PPM1L: variants seen among roughly 807,000 people sequenced by gnomAD.
PPM1L encodes the protein protein phosphatase, Mg2+/Mn2+ dependent 1L.
A neutral mutation model predicts 31.4 loss-of-function variants in PPM1L; 13 were observed. The observed-to-expected ratio is 0.41, with a 90% CI of 0.27 to 0.66. The LOEUF is 0.66. Among genes scored for constraint, PPM1L ranks in the 30% least tolerant of loss-of-function variants. The pLI is 0.29. For missense variants in PPM1L, 326 were observed against 453.7 expected (o/e 0.72, Z 2.56); for synonymous variants, 184 against 175.4 (o/e 1.05, Z -0.39).
At chr3:160,835,025 CTAT>C (rs1713652703) in intron 1 of PPM1L, among the ~76,000 whole-genome samples, 1 of 147,728 alleles carries the variant, frequency 6.8e-6, no homozygotes, top group Non-Finnish European at 1.5e-5. Flanking sequence ...ACTACTACTA[CTAT>C]TACTACTACT....
chr3:160,801,650 G>T (rs1460380359), intron 1 of PPM1L, among the ~76,000 whole-genome samples: 1 of 152,154 alleles, frequency 6.6e-6, no homozygotes, highest in Admixed American at 6.5e-5. Flanking sequence ...GAGATAACTT[G>T]CACTCTCTTG....
chr3:160,910,247 T>TTCCCCC (rs1560147909), intron 1 of PPM1L, among the ~76,000 whole-genome samples: 1 of 25,758 alleles, frequency 3.9e-5, no homozygotes, highest in Non-Finnish European at 8.1e-5. Flanking sequence ...CCCCTTTCCT[T>TTCCCCC]TCCCCTTCCC....
chr3:160,905,433 C>T (rs754458351), intron 1 of PPM1L, among the ~76,000 whole-genome samples: 26 of 152,068 alleles, frequency 1.7e-4, no homozygotes, highest in African/African-American at 3.9e-4. Context: ...TTCAAATGCC[C>T]GTCTAATAGT....
rs547992868 is a variant in PPM1L, at chr3:160,970,850, C to T, written c.574+8940C>T. Among the ~76,000 whole-genome samples, 661 of 135,532 alleles carry T rather than the reference C, an allele frequency of 4.9e-3. 9 individuals carry two copies. Among genetic ancestry groups the T allele is most frequent in the African/African-American group, 0.019 (643 of 34,466 alleles). The allele number at this position is 135,532 out of a possible 152,430, so 88.9% of individuals were successfully genotyped here. On this transcript the variant is annotated intron_variant, in intron 2 of 3. Transcript: ENST00000498165. ...TGTCGCCCAGGCTGGAGTGCAGTGGCGCAATCTCGGCTCACTGCAGGCTCC... is the reference window on the plus strand; with the variant it reads ...TGTCGCCCAGGCTGGAGTGCAGTGGTGCAATCTCGGCTCACTGCAGGCTCC...
chr3:160,829,436 C>G (rs1713453619), intron 1 of PPM1L, among the ~76,000 whole-genome samples: 1 of 152,124 alleles, frequency 6.6e-6, no homozygotes, highest in Non-Finnish European at 1.5e-5. Flanking sequence ...GACTTAAACA[C>G]TCCCTCTTTT....
chr3:160,863,987 A>G (rs1278206124), intron 1 of PPM1L, among the ~76,000 whole-genome samples: 1 of 152,182 alleles, frequency 6.6e-6, no homozygotes, highest in African/African-American at 2.4e-5. Context: ...GTAGGTAAAG[A>G]AGCTGATTTT....
At chr3:160,982,124 G>C (rs530689490) in intron 2 of PPM1L, among the ~76,000 whole-genome samples, 1 of 152,272 alleles carries the variant, frequency 6.6e-6, no homozygotes, top group Admixed American at 6.5e-5. Context: ...AAGCTGGAGT[G>C]TTGAGCCCTG....
chr3:160,853,171 C>A (rs1424786990), intron 1 of PPM1L, among the ~76,000 whole-genome samples: 1 of 152,184 alleles, frequency 6.6e-6, no homozygotes, highest in Non-Finnish European at 1.5e-5. Context: ...TAGGGCCAAA[C>A]TTCTCAAGGC....
intron 2 of PPM1L, among the ~76,000 whole-genome samples, chr3:161,051,832 G>A (rs879845125): frequency 2.0e-5 from 3 of 152,172 alleles, no homozygotes; most frequent in East Asian, 1.9e-4. Context: ...TGCAGAACCT[G>A]CCAATGGCAT....
chr3:160,835,864 A>G (rs1006209533), intron 1 of PPM1L, among the ~76,000 whole-genome samples: 5 of 152,078 alleles, frequency 3.3e-5, no homozygotes, highest in Non-Finnish European at 5.9e-5. Flanking sequence ...TCTCCCAAAT[A>G]TTCATTTAGT....
intron 1 of PPM1L, among the ~76,000 whole-genome samples, chr3:160,905,853 A>G (rs1316701459): frequency 6.6e-6 from 1 of 152,074 alleles, no homozygotes; most frequent in Non-Finnish European, 1.5e-5. Flanking sequence ...CATTTTTTTA[A>G]AAATCACATT....
chr3:160,998,634 T>C (rs1009180312), intron 2 of PPM1L, among the ~76,000 whole-genome samples: 1 of 152,176 alleles, frequency 6.6e-6, no homozygotes, highest in Non-Finnish European at 1.5e-5. Context: ...GACATTTTGA[T>C]GTCATGGAAA....
At chr3:160,821,393 A>G (rs1713197993) in intron 1 of PPM1L, among the ~76,000 whole-genome samples, 1 of 152,092 alleles carries the variant, frequency 6.6e-6, no homozygotes, top group Non-Finnish European at 1.5e-5. Flanking sequence ...TTTGTTGGTT[A>G]TGCTGCCTAA....
At chr3:160,850,944 A>T (rs1338930591) in intron 1 of PPM1L, among the ~76,000 whole-genome samples, 2 of 148,902 alleles carry the variant, frequency 1.3e-5, no homozygotes, top group African/African-American at 2.5e-5. Context: ...CTGTTTTCCC[A>T]TACTTGTCAG....
intron 2 of PPM1L, among the ~76,000 whole-genome samples, chr3:160,968,090 CAT>C (rs1649194818): frequency 6.8e-6 from 1 of 147,840 alleles, no homozygotes; most frequent in South Asian, 2.1e-4. Flanking sequence ...AGCATCTGCT[CAT>C]GAATATTCCC....
At chr3:160,993,504 C>T (rs1378873868) in intron 2 of PPM1L, among the ~76,000 whole-genome samples, 1 of 152,158 alleles carries the variant, frequency 6.6e-6, no homozygotes, top group Non-Finnish European at 1.5e-5. Flanking sequence ...CTTGCCTGCT[C>T]AGGTCTGGCA....
chr3:160,760,359 G>A (rs1373432574), intron 1 of PPM1L, among the ~76,000 whole-genome samples: 3 of 152,024 alleles, frequency 2.0e-5, no homozygotes, highest in Non-Finnish European at 4.4e-5. Flanking sequence ...TGAATTCTTC[G>A]GCAAAGATAT....
chr3:160,804,364 C>G (rs1000869831), intron 1 of PPM1L, among the ~76,000 whole-genome samples: 2 of 152,212 alleles, frequency 1.3e-5, no homozygotes, highest in Non-Finnish European at 2.9e-5. Flanking sequence ...AGTAACCCAT[C>G]TTTGAAAGTC....
chr3:161,043,744 A>C (rs1718974744), intron 2 of PPM1L, among the ~76,000 whole-genome samples: 1 of 151,942 alleles, frequency 6.6e-6, no homozygotes, highest in South Asian at 2.1e-4. Flanking sequence ...AACACTGAAG[A>C]CTCTCCAGTT....
Sources: gnomAD v4.1 joint callset for allele counts (sites outside exome capture counted in the v4.1 genomes callset) on GRCh38, gnomAD v4.1.1 for gene constraint, MANE v1.5 for transcripts, NCBI Gene and HGNC (gene_info 2026-07-23, HGNC 2026-07-21) for gene names.